The following HOOK3 variants were observed in gnomAD, a reference collection of about 807,000 sequenced individuals.
HOOK3 encodes the protein protein Hook homolog 3.
Under a neutral mutation model 116.3 loss-of-function variants are expected in HOOK3, and 24 were observed. The ratio of observed to expected loss-of-function variants is 0.21; its 90% CI spans 0.15 to 0.29. The LOEUF (loss-of-function observed/expected upper bound fraction) is 0.29, where lower values mean the gene tolerates loss of function less well. Ranked by LOEUF, HOOK3 falls within the 10% of genes least tolerant of loss-of-function variation. The probability of loss-of-function intolerance (pLI) is 1.00; values close to 1 mark genes in which losing one functional copy is unlikely to be tolerated. For synonymous variants in HOOK3, 275 were observed against 283.0 expected, an observed-to-expected ratio of 0.97 and a Z score of 0.28; for missense variants, 632 against 830.2, an observed-to-expected ratio of 0.76 and a Z score of 2.93.
At position 43,021,321 on chromosome 8, in the gene HOOK3, CG is replaced by C. The variant is rs1809824806; in HGVS notation, c.*2824del. 1 of 188,716 alleles carries C rather than the reference CG, an allele frequency of 5.3e-6. No individual in the cohort carries two copies. The highest frequency in any genetic ancestry group is 1.1e-5 in the Non-Finnish European group (1 of 89,936). 11.7% of individuals were successfully genotyped at this position (188,716 alleles called of 1,614,324 possible). On this transcript the variant is annotated 3_prime_UTR_variant, in exon 22 of 22. Coordinates refer to ENST00000307602, the MANE Select transcript of HOOK3 (RefSeq NM_032410.4). ...TTTACTTCTGACTTTTTTTTCCCCC[CG>C]AGACGGAGCCTCGTTCCGTCACCCA...
At chr8:42,906,102 A>AG (rs1456044854) in intron 1 of HOOK3, 71 bp from the exon 2 acceptor site, 3 of 858,476 alleles carry the variant, frequency 3.5e-6, no homozygotes, top group Non-Finnish European at 5.4e-6. Flanking sequence ...AAAAAAAAAA[A>AG]AAAGGCCTAA....
chr8:42,931,817 C>T (rs534796782), intron 4 of HOOK3, among the ~76,000 whole-genome samples: 49 of 151,960 alleles, frequency 3.2e-4, no homozygotes, highest in Non-Finnish European at 5.0e-4. Flanking sequence ...TGCAGTAGCG[C>T]GATCTCAGCT....
intron 1 of HOOK3, among the ~76,000 whole-genome samples, chr8:42,898,513 A>G (rs991355056): frequency 6.6e-6 from 1 of 152,218 alleles, no homozygotes; most frequent in Non-Finnish European, 1.5e-5. Context: ...GGAAAGAATT[A>G]CTAAATTCTT....
chr8:43,005,510 C>A (rs2130478850), intron 17 of HOOK3, among the ~76,000 whole-genome samples: 1 of 151,858 alleles, frequency 6.6e-6, no homozygotes, highest in African/African-American at 2.4e-5. Context: ...ATGTGAGCCA[C>A]CGCGCCTGGC....
intron 4 of HOOK3, among the ~76,000 whole-genome samples, chr8:42,937,954 C>A (rs545682153): frequency 6.6e-6 from 1 of 152,158 alleles, no homozygotes; most frequent in South Asian, 2.1e-4. Context: ...TGTTAATTTT[C>A]TGTCTCATTA....
chr8:42,951,182 T>C (rs1344160301), intron 6 of HOOK3, among the ~76,000 whole-genome samples: 1 of 152,168 alleles, frequency 6.6e-6, no homozygotes, highest in East Asian at 1.9e-4. Flanking sequence ...TGTCTCAGCC[T>C]CCTGAGTAGC....
At chr8:43,007,786 T>C in intron 17 of HOOK3, 61 bp from the exon 18 acceptor site, 1 of 1,015,190 alleles carries the variant, frequency 9.9e-7, no homozygotes, top group Non-Finnish European at 1.5e-6. Flanking sequence ...CTCAGATCTT[T>C]AATTTGAACT....
At chr8:42,925,076 G>T (rs75804314) in intron 2 of HOOK3, among the ~76,000 whole-genome samples, 2,333 of 151,550 alleles carry the variant, frequency 0.015, 70 homozygotes, top group African/African-American at 0.053. Context: ...CTGTTTTTTT[G>T]TTGTTGTTGT....
chr8:43,008,064 G>C (rs1409385589), intron 18 of HOOK3, 135 bp downstream of exon 18: 1 of 367,628 alleles, frequency 2.7e-6, no homozygotes, highest in African/African-American at 2.1e-5. Context: ...TCTCACCCAG[G>C]CTGGAGTGCA....
At chr8:42,990,703 C>T (rs1208258810) in intron 15 of HOOK3, among the ~76,000 whole-genome samples, 2 of 151,878 alleles carry the variant, frequency 1.3e-5, no homozygotes, top group African/African-American at 4.8e-5. Context: ...GTTTGAGCTC[C>T]TTATATATTC....
intron 2 of HOOK3, among the ~76,000 whole-genome samples, chr8:42,918,942 C>T (rs1486680408): frequency 6.6e-6 from 1 of 152,248 alleles, no homozygotes; most frequent in Non-Finnish European, 1.5e-5. Flanking sequence ...GTACACCTCC[C>T]AGGCGGGGTG....
chr8:42,998,808 T>C (rs888563372), intron 16 of HOOK3, among the ~76,000 whole-genome samples: 1 of 152,218 alleles, frequency 6.6e-6, no homozygotes, highest in South Asian at 2.1e-4. Context: ...AACTTCCTTA[T>C]GCCCTTATTA....
intron 5 of HOOK3, among the ~76,000 whole-genome samples, chr8:42,943,844 C>T (rs1808174138): frequency 6.6e-6 from 1 of 152,028 alleles, no homozygotes; most frequent in African/African-American, 2.4e-5. Context: ...TCTCCTTTTT[C>T]TTTTTTTAGG....
intron 5 of HOOK3, chr8:42,949,601 A>G (rs1386334580): frequency 6.6e-6 from 1 of 151,954 alleles, no homozygotes; most frequent in Non-Finnish European, 1.5e-5. Context: ...TCTCAGTTTC[A>G]TTTTTTTTGT....
In HOOK3 at chr8:43,022,519, A is replaced by G. The variant is rs1809849601; in HGVS notation, c.*4021A>G. ...CTTCTAACCAGGGTGAGAAAATACAAAGTAAAGAACTAAAGAATATTAAAA... is the reference window on the plus strand; with the variant it reads ...CTTCTAACCAGGGTGAGAAAATACAGAGTAAAGAACTAAAGAATATTAAAA... On this transcript the variant is annotated 3_prime_UTR_variant, in exon 22 of 22. Coordinates refer to ENST00000307602, the MANE Select transcript of HOOK3 (RefSeq NM_032410.4). The G allele has an allele frequency of 5.2e-6, 1 of 191,176 alleles. No homozygotes were observed. The highest frequency in any genetic ancestry group is 1.1e-5 in the Non-Finnish European group (1 of 91,328). 11.8% of individuals were successfully genotyped at this position (191,176 alleles called of 1,614,324 possible).
At chr8:42,935,768 G>C (rs779175701) in intron 4 of HOOK3, among the ~76,000 whole-genome samples, 6 of 152,198 alleles carry the variant, frequency 3.9e-5, no homozygotes, top group Non-Finnish European at 5.9e-5. Context: ...TTTGGTACCA[G>C]TACCATGCTG....
chr8:42,994,599 G>A (rs1809229678), intron 15 of HOOK3: 1 of 177,772 alleles, frequency 5.6e-6, no homozygotes, highest in African/African-American at 2.4e-5. Context: ...GAATTTCCAT[G>A]TGTTTGTATA....
intron 10 of HOOK3, among the ~76,000 whole-genome samples, chr8:42,967,378 T>G (rs181507763): frequency 4.5e-4 from 68 of 152,250 alleles, no homozygotes; most frequent in Non-Finnish European, 9.8e-4. Flanking sequence ...CTCCAAAACC[T>G]CTAAACTTCC....
chr8:43,006,707 A>T (rs1586631819), intron 17 of HOOK3, among the ~76,000 whole-genome samples: 1 of 152,192 alleles, frequency 6.6e-6, no homozygotes, highest in Non-Finnish European at 1.5e-5. Flanking sequence ...GTTCTTTGTC[A>T]TAGGTCATAA....
Sources: gnomAD v4.1 joint callset for allele counts (sites outside exome capture counted in the v4.1 genomes callset) on GRCh38, gnomAD v4.1.1 for gene constraint, MANE v1.5 for transcripts, NCBI Gene and HGNC (gene_info 2026-07-23, HGNC 2026-07-21) for gene names.